EPB41L5: variants seen among roughly 807,000 people sequenced by gnomAD.
The protein encoded by EPB41L5 is band 4.1-like protein 5.
A neutral mutation model predicts 106.6 loss-of-function variants in EPB41L5; 55 were observed. The ratio of observed to expected loss-of-function variants is 0.52; its 90% CI spans 0.42 to 0.65. The LOEUF (loss-of-function observed/expected upper bound fraction) is 0.65, where lower values mean the gene tolerates loss of function less well. Ranked by LOEUF, EPB41L5 falls within the 30% of genes least tolerant of loss-of-function variation. The pLI is 0.00. For missense variants in EPB41L5, 871 were observed against 882.1 expected (o/e 0.99, Z 0.16); for synonymous variants, 297 against 306.7 (o/e 0.97, Z 0.33).
chr2:120,110,143 A>C (rs946277437), intron 16 of EPB41L5, among the ~76,000 whole-genome samples: 1 of 152,212 alleles, frequency 6.6e-6, no homozygotes, highest in Non-Finnish European at 1.5e-5. Flanking sequence ...TGACCTGCAT[A>C]TTTCTAATCC....
intron 20 of EPB41L5, among the ~76,000 whole-genome samples, chr2:120,156,881 C>T (rs942056348): frequency 7.2e-5 from 11 of 152,276 alleles, no homozygotes; most frequent in Admixed American, 3.9e-4. Context: ...GACACATCAT[C>T]GAAGCAGAAA....
rs757968817 is a variant in EPB41L5 at position 120,075,731 on chromosome 2, A to G, written c.483A>G (p.Gln161=). The G allele has an allele frequency of 1.1e-5, 17 of 1,613,614 alleles. No homozygotes were observed. The highest frequency in any genetic ancestry group is 6.7e-5 in the East Asian group (3 of 44,822). Residue 161 remains glutamine, a synonymous_variant, in exon 7 of 25, where the codon CAA becomes CAG. Transcript: ENST00000263713. ...KLDCPFDTAV[Q]LAAYNLQAEL... ...ACTGTCCCTTTGATACAGCAGTGCA[A>G]TTGGCAGCTTATAATCTGCAAGGTA...
rs529865867 is a variant in EPB41L5, at chr2:120,121,029, A to G, written c.1338-6659A>G. Among the ~76,000 whole-genome samples the G allele has an allele frequency of 1.8e-4, 28 of 152,290 alleles. No homozygotes were observed. The South Asian group carries it at 5.8e-3, about 32-fold the overall frequency. ...CCACTGGTGAGGATAAGGCAGGAGA[A>G]TCGCCCAAACCCAGGAGGCAGAGGC... On this transcript the variant is annotated intron_variant, in intron 16 of 24. Transcript: ENST00000263713.
intron 4 of EPB41L5, 42 bp from the exon 5 acceptor site, chr2:120,074,057 AG>A: frequency 7.0e-7 from 1 of 1,419,168 alleles, no homozygotes; most frequent in East Asian, 2.5e-5. Flanking sequence ...GTATTATTTA[AG>A]TAGTTTATTT....
chr2:120,040,440 A>G (rs886712023), intron 2 of EPB41L5, among the ~76,000 whole-genome samples: 4 of 152,036 alleles, frequency 2.6e-5, no homozygotes, highest in African/African-American at 9.7e-5. Context: ...GAAACTGTGA[A>G]CCTTGACATT....
chr2:120,089,774 C>A (rs1683291849), intron 11 of EPB41L5, among the ~76,000 whole-genome samples: 1 of 152,024 alleles, frequency 6.6e-6, no homozygotes, highest in Admixed American at 6.6e-5. Flanking sequence ...TATGTAGATT[C>A]TGGAGCAAGA....
At chr2:120,122,996 T>A (rs896994377) in intron 16 of EPB41L5, among the ~76,000 whole-genome samples, 9 of 152,232 alleles carry the variant, frequency 5.9e-5, no homozygotes, top group Non-Finnish European at 1.3e-4. Context: ...CTTGTGATTT[T>A]TACACATTGA....
chr2:120,017,224 T>C (rs1234179538), intron 1 of EPB41L5, among the ~76,000 whole-genome samples: 1 of 152,268 alleles, frequency 6.6e-6, no homozygotes, highest in Non-Finnish European at 1.5e-5. Flanking sequence ...ATTGTTGATT[T>C]TTAAATTCTA....
At chr2:120,109,764 G>C (rs1684635317) in intron 16 of EPB41L5, among the ~76,000 whole-genome samples, 1 of 152,000 alleles carries the variant, frequency 6.6e-6, no homozygotes, top group Non-Finnish European at 1.5e-5. Flanking sequence ...CCATTTTTTT[G>C]TTTCACAGGT....
intron 24 of EPB41L5, among the ~76,000 whole-genome samples, chr2:120,174,284 C>T (rs1687833327): frequency 2.0e-5 from 3 of 152,118 alleles, no homozygotes; most frequent in Admixed American, 2.0e-4. Context: ...AGTGAAACCC[C>T]ATCTCTACAG....
intron 16 of EPB41L5, chr2:120,104,291 T>C: frequency 2.0e-6 from 3 of 1,505,636 alleles, no homozygotes; most frequent in South Asian, 1.3e-5. Context: ...GTTGATGGTA[T>C]ACATTATCTG....
intron 12 of EPB41L5, among the ~76,000 whole-genome samples, chr2:120,090,989 T>C (rs1209702473): frequency 6.6e-6 from 1 of 152,214 alleles, no homozygotes; most frequent in Non-Finnish European, 1.5e-5. Flanking sequence ...GTGAGTTTTC[T>C]GCATGCCATG....
At position 120,168,025 on chromosome 2, in the gene EPB41L5, C is replaced by G; in HGVS notation, c.2135+18C>G. On this transcript the variant is annotated intron_variant, in intron 24 of 24. Coordinates refer to ENST00000263713, the MANE Select transcript of EPB41L5 (RefSeq NM_020909.4). The stretch of plus-strand genomic sequence containing the variant: ...GTGACCAGGTGAGAAAATTATTTCT[C>G]ATTTGCAGTTCTTAGGCATCTGTTA... 2 of 1,613,108 alleles carry G rather than the reference C, an allele frequency of 1.2e-6. No homozygotes were observed. Among genetic ancestry groups the G allele is most frequent in the South Asian group, 1.1e-5 (1 of 90,946 alleles).
At chr2:120,079,504 A>G (rs1377505921) in intron 10 of EPB41L5, among the ~76,000 whole-genome samples, 1 of 151,688 alleles carries the variant, frequency 6.6e-6, no homozygotes, top group East Asian at 1.9e-4. Context: ...CCTCCTCCCC[A>G]TCTGGTGGTA....
chr2:120,100,443 G>A (rs867213847), intron 15 of EPB41L5, among the ~76,000 whole-genome samples, 157 bp downstream of exon 15: 2 of 151,984 alleles, frequency 1.3e-5, no homozygotes, highest in Middle Eastern at 3.2e-3. Flanking sequence ...ATAACTTCCG[G>A]TTATTTTATT....
intron 22 of EPB41L5, among the ~76,000 whole-genome samples, chr2:120,166,254 G>A (rs1687401639): frequency 6.6e-6 from 1 of 152,158 alleles, no homozygotes; most frequent in Non-Finnish European, 1.5e-5. Flanking sequence ...CCCAGGTGGT[G>A]CAGATGTGGT....
intron 10 of EPB41L5, among the ~76,000 whole-genome samples, chr2:120,082,558 T>G (rs1354805832): frequency 1.3e-5 from 2 of 152,198 alleles, no homozygotes; most frequent in Non-Finnish European, 2.9e-5. Context: ...GATATTGGTC[T>G]AAAATTCTCT....
chr2:120,118,177 G>C (rs1685038076), intron 16 of EPB41L5, among the ~76,000 whole-genome samples: 1 of 152,046 alleles, frequency 6.6e-6, no homozygotes, highest in South Asian at 2.1e-4. Flanking sequence ...TTTGAAACTT[G>C]GTTTAAGATA....
chr2:120,022,694 A>G (rs1206391449), intron 2 of EPB41L5, among the ~76,000 whole-genome samples: 2 of 152,158 alleles, frequency 1.3e-5, no homozygotes, highest in Non-Finnish European at 1.5e-5. Context: ...TTGGGTATAT[A>G]CCCAGTAATG....
Sources: gnomAD v4.1 joint callset for allele counts (sites outside exome capture counted in the v4.1 genomes callset) on GRCh38, gnomAD v4.1.1 for gene constraint, MANE v1.5 for transcripts, NCBI Gene and HGNC (gene_info 2026-07-23, HGNC 2026-07-21) for gene names.